The following CPVL variants were observed in gnomAD, a reference collection of about 807,000 sequenced individuals.
CPVL encodes carboxypeptidase vitellogenic like, also known as probable serine carboxypeptidase CPVL.
Under a neutral mutation model 63.7 loss-of-function variants are expected in CPVL, and 51 were observed. The ratio of observed to expected loss-of-function variants is 0.80; its 90% CI spans 0.64 to 1.01. The LOEUF (loss-of-function observed/expected upper bound fraction) is 1.01, where lower values mean the gene tolerates loss of function less well. CPVL is among the 50% of genes least tolerant of loss of function. The pLI is 0.00. For synonymous variants in CPVL, 195 were observed against 206.0 expected, an observed-to-expected ratio of 0.95 and a Z score of 0.46; for missense variants, 530 against 573.1, an observed-to-expected ratio of 0.92 and a Z score of 0.77.
At chr7:29,176,599 T>C (rs1797380253) in intron 5 of CPVL, among the ~76,000 whole-genome samples, 1 of 152,170 alleles carries the variant, frequency 6.6e-6, no homozygotes, top group Admixed American at 6.5e-5. Context: ...AAGACACCCT[T>C]ACAAAGAAGC....
intron 1 of CPVL, among the ~76,000 whole-genome samples, chr7:29,187,412 A>G (rs559596066): frequency 6.6e-6 from 1 of 152,090 alleles, no homozygotes; most frequent in African/African-American, 2.4e-5. Flanking sequence ...GTTATATTAT[A>G]CATGCCACTT....
Position 29,066,121 on chromosome 7 carries a change from T to C in CPVL, c.865A>G (p.Ile289Val). Residue 289 changes from isoleucine (I) to valine (V), a missense_variant and splice_region_variant, in exon 10 of 13, where the codon ATA (isoleucine) becomes GTA (valine). Coordinates refer to ENST00000265394, the MANE Select transcript of CPVL (RefSeq NM_031311.5). Reference sequence around the variant, plus strand: ...TCGCCATCTAGTAGTTTATCCAGTATCTAGGTTGGGAGAGAGGGAGAAAGA... The same window carrying C: ...TCGCCATCTAGTAGTTTATCCAGTACCTAGGTTGGGAGAGAGGGAGAAAGA... The part of the protein sequence containing the change: ...RKQNWFEAFE[I>V]LDKLLDGDLT... The C allele has an allele frequency of 1.3e-6, 2 of 1,519,572 alleles. No homozygotes were observed. Among genetic ancestry groups the C allele is most frequent in the Non-Finnish European group, 1.8e-6 (2 of 1,098,314 alleles). The allele number at this position is 1,519,572 out of a possible 1,614,324, so 94.1% of individuals were successfully genotyped here. A position where few individuals can be genotyped will look rare whatever the true frequency, so the allele number is the denominator to read the frequency against.
intron 6 of CPVL, among the ~76,000 whole-genome samples, chr7:29,086,881 G>A (rs1260769433): frequency 6.6e-6 from 1 of 152,140 alleles, no homozygotes; most frequent in Non-Finnish European, 1.5e-5. Flanking sequence ...AGGTAGTTCT[G>A]CAAACTTTAT....
intron 5 of CPVL, among the ~76,000 whole-genome samples, chr7:29,165,154 A>G (rs1795740365): frequency 6.6e-6 from 1 of 152,198 alleles, no homozygotes; most frequent in Non-Finnish European, 1.5e-5. Flanking sequence ...GAGAATAGAT[A>G]TCTAAATAAT....
intron 2 of CPVL, among the ~76,000 whole-genome samples, chr7:29,116,512 T>G (rs1424525659): frequency 6.6e-6 from 1 of 152,224 alleles, no homozygotes; most frequent in African/African-American, 2.4e-5. Flanking sequence ...TACTTCCTCC[T>G]TGTTTTTTAC....
intron 3 of CPVL, 38 bp downstream of exon 3, chr7:29,112,666 G>C (rs1788368516): frequency 7.3e-7 from 1 of 1,374,376 alleles, no homozygotes. Context: ...CGGCAAGCCA[G>C]GTCTTGAACA....
chr7:29,112,559 T>G, intron 3 of CPVL, 145 bp downstream of exon 3: 1 of 577,266 alleles, frequency 1.7e-6, no homozygotes, highest in South Asian at 2.5e-5. Flanking sequence ...CAGGTTTGCT[T>G]ATTTTTAGAA....
At chr7:29,107,215 A>C (rs931251215) in intron 3 of CPVL, among the ~76,000 whole-genome samples, 7 of 152,242 alleles carry the variant, frequency 4.6e-5, no homozygotes, top group African/African-American at 2.4e-5. Flanking sequence ...TTCTGCTAGC[A>C]TGTTGGTCAC....
At chr7:29,022,967 G>C (rs1787156399) in intron 12 of CPVL, among the ~76,000 whole-genome samples, 1 of 152,242 alleles carries the variant, frequency 6.6e-6, no homozygotes, top group Non-Finnish European at 1.5e-5. Context: ...CTCCCAGCCT[G>C]TTGCCATCAC....
At chr7:29,021,316 T>A in intron 12 of CPVL, among the ~76,000 whole-genome samples, 1 of 151,980 alleles carries the variant, frequency 6.6e-6, no homozygotes, top group East Asian at 1.9e-4. Context: ...ACTTTAGAAA[T>A]TGAATCTGCA....
chr7:29,002,765 T>C (rs1655636007), intron 12 of CPVL, among the ~76,000 whole-genome samples: 1 of 151,468 alleles, frequency 6.6e-6, no homozygotes, highest in Non-Finnish European at 1.5e-5. Context: ...ATCGATGTTT[T>C]AGCAATAGAT....
intron 7 of CPVL, 65 bp from the exon 8 acceptor site, chr7:29,072,488 A>G (rs1783849480): frequency 6.4e-7 from 1 of 1,564,632 alleles, no homozygotes; most frequent in African/African-American, 1.4e-5. Flanking sequence ...AATGTACTTA[A>G]GCTAATTAAA....
upstream of CPVL, among the ~76,000 whole-genome samples, chr7:29,148,276 G>A (rs245882): frequency 0.82 from 125,520 of 152,216 alleles, 52,000 homozygotes; most frequent in East Asian, 0.99. Flanking sequence ...CTGTGCCCAC[G>A]TGGAACCACT....
intron 2 of CPVL, 57 bp downstream of exon 2, chr7:29,120,836 A>G (rs80189015): frequency 1.4e-6 from 2 of 1,460,878 alleles, no homozygotes; most frequent in East Asian, 2.3e-5. Flanking sequence ...AAAAAAAAAA[A>G]AAGAGAAACT....
rs77814154 is a variant in CPVL, at chr7:29,159,087, C to T, written c.-11+22203G>A. 3.6e-3 allele frequency among the ~76,000 whole-genome samples: 549 copies of T among 152,322 alleles called. 14 individuals are homozygous for T. The East Asian group carries it at 0.085, about 24-fold the overall frequency. ...TAAAGCCCATTAAGTCATTAGGTGG[C>T]TCTTCAGTGTTTTCCTAATGGGCTA... On this transcript the variant is annotated intron_variant, in intron 5 of 16. Transcript: ENST00000409850.
At chr7:29,099,883 A>G (rs765449731) in intron 3 of CPVL, among the ~76,000 whole-genome samples, 20 of 152,200 alleles carry the variant, frequency 1.3e-4, no homozygotes, top group Non-Finnish European at 2.8e-4. Context: ...CGTCTGTCAA[A>G]TGACCATAAT....
At chr7:29,065,381 T>TA (rs1205642778) in intron 10 of CPVL, among the ~76,000 whole-genome samples, 1 of 152,244 alleles carries the variant, frequency 6.6e-6, no homozygotes, top group Non-Finnish European at 1.5e-5. Flanking sequence ...CAGGCAATTT[T>TA]AAAAACAGAA....
chr7:29,195,216 T>G (rs1217234041), exon 1 of CPVL: 6 of 464,100 alleles, frequency 1.3e-5, no homozygotes, highest in African/African-American at 4.1e-5. Context: ...GGTGGTGCCC[T>G]TAGTGTGCGG....
At chr7:29,054,155 C>T (rs1403301723) in intron 11 of CPVL, among the ~76,000 whole-genome samples, 1 of 152,120 alleles carries the variant, frequency 6.6e-6, no homozygotes, top group Non-Finnish European at 1.5e-5. Flanking sequence ...TAACATTTTA[C>T]ACAACCATTG....
Sources: gnomAD v4.1 joint callset for allele counts (sites outside exome capture counted in the v4.1 genomes callset) on GRCh38, gnomAD v4.1.1 for gene constraint, MANE v1.5 for transcripts, NCBI Gene and HGNC (gene_info 2026-07-23, HGNC 2026-07-21) for gene names.